The following DPH6 variants were observed in gnomAD, a reference collection of about 807,000 sequenced individuals.
The protein encoded by DPH6 is diphthine--ammonia ligase.
DPH6 carries 33 observed loss-of-function variants against 38.2 expected under a neutral mutation model. That is an observed-to-expected ratio of 0.86 (90% CI 0.65 to 1.15). The LOEUF is 1.15. Among genes scored for constraint, DPH6 ranks in the 50% most tolerant of loss-of-function variants. The pLI is 0.00. For synonymous variants in DPH6, 108 were observed against 103.0 expected (o/e 1.05, Z -0.30); for missense variants, 325 against 320.0 (o/e 1.02, Z -0.12).
chr15:35,271,503 A>G (rs921201650), intron 3 of DPH6, among the ~76,000 whole-genome samples: 3 of 152,246 alleles, frequency 2.0e-5, no homozygotes, highest in African/African-American at 7.2e-5. Context: ...ACAGGATAAC[A>G]AGACCAGTAA....
At chr15:35,487,375 T>C (rs2054418384) in intron 3 of DPH6, among the ~76,000 whole-genome samples, 1 of 152,234 alleles carries the variant, frequency 6.6e-6, no homozygotes, top group Non-Finnish European at 1.5e-5. Context: ...CATCGAGGCA[T>C]TTCCATACAT....
intron 3 of DPH6, among the ~76,000 whole-genome samples, chr15:35,505,406 A>C (rs905722969): frequency 6.6e-6 from 1 of 152,150 alleles, no homozygotes; most frequent in Non-Finnish European, 1.5e-5. Flanking sequence ...AGCACAGAAG[A>C]GAGTAATGAT....
intron 3 of DPH6, among the ~76,000 whole-genome samples, chr15:35,229,613 CTG>C (rs981122220): frequency 6.6e-6 from 1 of 152,082 alleles, no homozygotes. Flanking sequence ...AGATGTTTGT[CTG>C]TGTCTGGGCA....
intron 5 of DPH6, among the ~76,000 whole-genome samples, chr15:35,412,916 A>G (rs1566900578): frequency 1.3e-5 from 2 of 151,820 alleles, no homozygotes; most frequent in East Asian, 3.9e-4. Flanking sequence ...AATACATGTT[A>G]TTATACATCT....
At chr15:35,181,315 C>T in the DPH6 span, among the ~76,000 whole-genome samples, 2 of 151,692 alleles carry the variant, frequency 1.3e-5, no homozygotes, top group African/African-American at 2.4e-5. Flanking sequence ...CCTTTGCCTC[C>T]CTCTGGAAGC....
At chr15:35,376,526 T>C (rs2052783198) in intron 7 of DPH6, among the ~76,000 whole-genome samples, 1 of 152,132 alleles carries the variant, frequency 6.6e-6, no homozygotes, top group African/African-American at 2.4e-5. Context: ...ATGAATTTAG[T>C]GTAGCCTAAG....
chr15:35,216,289 G>A (rs2051410628), downstream of DPH6, among the ~76,000 whole-genome samples: 1 of 152,134 alleles, frequency 6.6e-6, no homozygotes, highest in South Asian at 2.1e-4. Flanking sequence ...CTCTAATGTT[G>A]AATCATTTGA....
At chr15:35,433,963 T>G (rs890254684) in intron 5 of DPH6, among the ~76,000 whole-genome samples, 1 of 152,222 alleles carries the variant, frequency 6.6e-6, no homozygotes, top group African/African-American at 2.4e-5. Context: ...GATATCTTTA[T>G]GTGGTTGTGA....
chr15:35,214,111 CAAAA>C (rs202243463), downstream of DPH6, among the ~76,000 whole-genome samples: 1 of 85,544 alleles, frequency 1.2e-5, no homozygotes. Flanking sequence ...GACTCCGTCT[CAAAA>C]AAAAAAAAAA....
chr15:35,283,625 C>G lies in DPH6; in HGVS notation n.201-63043G>C, dbSNP rs144626662. 3.2e-3 allele frequency among the ~76,000 whole-genome samples: 485 copies of G among 152,208 alleles called. 4 individuals are homozygous for G. Among genetic ancestry groups the G allele is most frequent in the Non-Finnish European group, 4.9e-3 (333 of 68,008 alleles). ...ATAACTTCTTATATGGTTCTTCCCA[C>G]CCCATCAAACCCAGGGAAGGGTCCT... On this transcript the variant is annotated intron_variant and non_coding_transcript_variant, in intron 3 of 3. Coordinates refer to the DPH6 transcript ENST00000560386.
intron 3 of DPH6, chr15:35,238,236 TG>T (rs1277622400): frequency 6.2e-4 from 6 of 9,754 alleles, no homozygotes. Flanking sequence ...GGAGGGCGGG[TG>T]GGGGTGGAAT....
chr15:35,316,516 T>A (rs1457854665), intron 3 of DPH6, among the ~76,000 whole-genome samples: 1 of 152,126 alleles, frequency 6.6e-6, no homozygotes, highest in Non-Finnish European at 1.5e-5. Context: ...TACTGGAAGC[T>A]GAAGAGAGGC....
chr15:35,447,526 C>T (rs1489475992), intron 5 of DPH6, among the ~76,000 whole-genome samples: 1 of 152,036 alleles, frequency 6.6e-6, no homozygotes, highest in Non-Finnish European at 1.5e-5. Flanking sequence ...GTATTATAAA[C>T]CCACAGGGAC....
At chr15:35,318,418 G>C (rs2052211646) in intron 3 of DPH6, among the ~76,000 whole-genome samples, 1 of 151,972 alleles carries the variant, frequency 6.6e-6, no homozygotes. Flanking sequence ...GAAAAAATTA[G>C]CAAAGATATA....
intron 3 of DPH6, among the ~76,000 whole-genome samples, chr15:35,287,407 T>G (rs935070584): frequency 6.6e-6 from 1 of 152,170 alleles, no homozygotes; most frequent in Non-Finnish European, 1.5e-5. Flanking sequence ...TTGCAGTTAC[T>G]TTCATGTTAC....
At chr15:35,349,920 G>A (rs1326449994) in intron 3 of DPH6, among the ~76,000 whole-genome samples, 1 of 152,098 alleles carries the variant, frequency 6.6e-6, no homozygotes, top group Non-Finnish European at 1.5e-5. Flanking sequence ...TGTAGTTTTC[G>A]TTTCTTAAAG....
chr15:35,152,125 T>C, the DPH6 span, among the ~76,000 whole-genome samples: 1 of 152,252 alleles, frequency 6.6e-6, no homozygotes, highest in African/African-American at 2.4e-5. Context: ...AGTAACGTTT[T>C]TGTGACCAGA....
intron 3 of DPH6, among the ~76,000 whole-genome samples, chr15:35,258,717 T>A (rs2051723655): frequency 6.6e-6 from 1 of 152,146 alleles, no homozygotes; most frequent in Non-Finnish European, 1.5e-5. Context: ...TGAACATTTA[T>A]CCTTTATAAA....
intron 6 of DPH6, among the ~76,000 whole-genome samples, chr15:35,389,971 G>A (rs1330404670): frequency 6.6e-6 from 1 of 152,118 alleles, no homozygotes; most frequent in Non-Finnish European, 1.5e-5. Context: ...TTTTTGCAGT[G>A]GCTAATACTG....
Sources: allele counts gnomAD v4.1 joint callset (sites outside exome capture counted in the v4.1 genomes callset), GRCh38; gene constraint gnomAD v4.1.1; transcripts MANE v1.5; gene names NCBI Gene and HGNC (gene_info 2026-07-23, HGNC 2026-07-21).